The following SLC35A3 variants were observed in gnomAD, a reference collection of about 807,000 sequenced individuals.
SLC35A3 encodes UDP-N-acetylglucosamine transporter.
Under a neutral mutation model 39.0 loss-of-function variants are expected in SLC35A3, and 26 were observed. The ratio of observed to expected loss-of-function variants is 0.67; its 90% CI spans 0.49 to 0.92. The LOEUF is 0.92. Among genes scored for constraint, SLC35A3 ranks in the 40% least tolerant of loss-of-function variants. The probability of loss-of-function intolerance (pLI) is 0.00; values close to 1 mark genes in which losing one functional copy is unlikely to be tolerated. For synonymous variants in SLC35A3, 135 were observed against 133.1 expected (o/e 1.01, Z -0.10); for missense variants, 299 against 371.6 (o/e 0.80, Z 1.61).
chr1:100,035,403 G>C lies in SLC35A3; in HGVS notation c.*12927G>C, dbSNP rs756766296. The C allele has an allele frequency of 6.6e-6, 1 of 152,188 alleles. No individual in the cohort carries two copies. Among genetic ancestry groups the C allele is most frequent in the African/African-American group, 2.4e-5 (1 of 41,446 alleles). The allele number at this position is 152,188 out of a possible 1,614,324, so 9.4% of individuals were successfully genotyped here. ...ACAATAGGCCTATTAGAACAGGACT[G>C]TTCTCTCTTGTTTATCATTGCAGCC... On this transcript the variant is annotated 3_prime_UTR_variant, in exon 8 of 8. Coordinates refer to ENST00000533028, the MANE Select transcript of SLC35A3 (RefSeq NM_012243.3).
At chr1:100,011,651 T>G (rs1352090726) in intron 5 of SLC35A3, 118 bp downstream of exon 5, 1 of 319,684 alleles carries the variant, frequency 3.1e-6, no homozygotes, top group Non-Finnish European at 5.8e-6. Flanking sequence ...GATCCAAATA[T>G]CTGGCAATGC....
At position 100,030,273 on chromosome 1, in the gene SLC35A3, TTCC is replaced by T. The variant is rs1477119829; in HGVS notation, c.*7800_*7802del. On this transcript the variant is annotated 3_prime_UTR_variant, in exon 8 of 8. Transcript: ENST00000533028. ...ATACAGTTTATCTTAGATATACACT[TTCC>T]TCATTTTAAAGGTAGAACTCACTGC... is the stretch of plus-strand genomic sequence containing the variant. 2 of 152,226 alleles carry T rather than the reference TTCC, an allele frequency of 1.3e-5. No individual in the cohort carries two copies. The highest frequency in any genetic ancestry group is 2.9e-5 in the Non-Finnish European group (2 of 68,032). 9.4% of individuals were successfully genotyped at this position (152,226 alleles called of 1,614,324 possible). A position where few individuals can be genotyped will look rare whatever the true frequency, so the allele number is the denominator to read the frequency against.
At chr1:100,021,689 G>T (rs1570632069) in intron 7 of SLC35A3, among the ~76,000 whole-genome samples, 1 of 151,868 alleles carries the variant, frequency 6.6e-6, no homozygotes, top group South Asian at 2.1e-4. Flanking sequence ...AAAAAAAAAA[G>T]TTAATATTTG....
Position 100,035,221 on chromosome 1 carries a change from T to C in SLC35A3, c.*12745T>C, listed in dbSNP as rs1661435793. 1 of 152,222 alleles carries C rather than the reference T, an allele frequency of 6.6e-6. No individual in the cohort carries two copies. Among genetic ancestry groups the C allele is most frequent in the Non-Finnish European group, 1.5e-5 (1 of 68,036 alleles). 9.4% of individuals were successfully genotyped at this position (152,222 alleles called of 1,614,324 possible). A position where few individuals can be genotyped will look rare whatever the true frequency, so the allele number is the denominator to read the frequency against. On this transcript the variant is annotated 3_prime_UTR_variant, in exon 8 of 8. Transcript: ENST00000533028. The stretch of plus-strand genomic sequence containing the variant: ...AGATTATTTATAGTACTTAATACAA[T>C]GTAATGCTGTGTAGTCATACTGTAT...
chr1:99,999,520 T>A (rs1658624452), intron 3 of SLC35A3, 105 bp downstream of exon 3: 1 of 643,462 alleles, frequency 1.6e-6, no homozygotes, highest in South Asian at 2.2e-5. Context: ...ATGCATCCAA[T>A]GTGTAATGAT....
At chr1:99,999,452 T>C (rs754719541) in intron 3 of SLC35A3, 37 bp downstream of exon 3, 3 of 1,403,294 alleles carry the variant, frequency 2.1e-6, no homozygotes, top group Non-Finnish European at 2.9e-6. Context: ...TTAAAAAAAC[T>C]TTTTTCTTAT....
In SLC35A3 at chr1:100,011,143, A is replaced by C. The variant is rs572225837; in HGVS notation, c.466-222A>C. 1.2e-3 allele frequency among the ~76,000 whole-genome samples: 182 copies of C among 152,318 alleles called. 1 individual carries two copies. Among genetic ancestry groups the C allele is most frequent in the Non-Finnish European group, 1.8e-3 (121 of 68,024 alleles). ...GTAATAGATGAAATGTAAAATATTT[A>C]TTATTTCTAAGGTGCTTTTTGAAAT... On this transcript the variant is annotated intron_variant, in intron 4 of 7. Transcript: ENST00000533028.
chr1:99,993,657 C>T lies in SLC35A3; in HGVS notation c.103C>T (p.Pro35Ser), dbSNP rs1199734991. ...RYSRTLKEEG[P>S]RYLSSTAVVV... ...TTCCAGAACTTTAAAAGAAGAAGGACCTCGTTATCTATCTTCTACAGCAGT... is the reference window on the plus strand; with the variant it reads ...TTCCAGAACTTTAAAAGAAGAAGGATCTCGTTATCTATCTTCTACAGCAGT... Residue 35 changes from proline to serine, a missense_variant, in exon 2 of 8, where the codon CCT becomes TCT. Pro to Ser is a moderately conservative substitution (Grantham distance 74). Coordinates refer to ENST00000533028, the MANE Select transcript of SLC35A3 (RefSeq NM_012243.3). The T allele has an allele frequency of 6.2e-7, 1 of 1,613,908 alleles. No homozygotes were observed. The highest frequency in any genetic ancestry group is 8.5e-7 in the Non-Finnish European group (1 of 1,179,930).
rs1660992691 is a variant in SLC35A3 at position 100,027,607 on chromosome 1, G to A, written c.*5131G>A. On this transcript the variant is annotated 3_prime_UTR_variant, in exon 8 of 8. Coordinates refer to ENST00000533028, the MANE Select transcript of SLC35A3 (RefSeq NM_012243.3). ...AAGGTTAAGTAATTATAGAAGTTTG[G>A]TATGTATTTTCTTCATAATTTGAAT... 6.4e-6 allele frequency: 1 copy of A among 155,824 alleles called. No homozygotes were observed. The highest frequency in any genetic ancestry group is 2.4e-5 in the African/African-American group (1 of 41,636). The allele number at this position is 155,824 out of a possible 1,614,324, so 9.7% of individuals were successfully genotyped here. A position where few individuals can be genotyped will look rare whatever the true frequency, so the allele number is the denominator to read the frequency against.
chr1:99,978,453 G>A (rs1035243325), intron 1 of SLC35A3, among the ~76,000 whole-genome samples: 20 of 152,212 alleles, frequency 1.3e-4, no homozygotes, highest in Non-Finnish European at 2.8e-4. Flanking sequence ...CTTGAGCCCA[G>A]GAGGTAGAGG....
chr1:99,988,003 T>C (rs183121724), intron 1 of SLC35A3, among the ~76,000 whole-genome samples: 6 of 152,318 alleles, frequency 3.9e-5, no homozygotes, highest in African/African-American at 1.4e-4. Flanking sequence ...TATTGAGTTC[T>C]AATTTACATA....
chr1:99,994,006 T>C (rs1195405565), intron 2 of SLC35A3, among the ~76,000 whole-genome samples: 1 of 152,152 alleles, frequency 6.6e-6, no homozygotes, highest in Non-Finnish European at 1.5e-5. Context: ...GTAAATTTTA[T>C]AAATCTGTTA....
intron 1 of SLC35A3, chr1:99,992,964 G>A (rs1658174809): frequency 6.6e-6 from 1 of 152,402 alleles, no homozygotes; most frequent in African/African-American, 2.4e-5. Context: ...GGAGGGGGAA[G>A]GGCCACCACC....
chr1:99,970,624 G>T, intron 1 of SLC35A3: 5 of 1,536,182 alleles, frequency 3.3e-6, no homozygotes, highest in South Asian at 2.4e-5. Flanking sequence ...GGAACTTAAA[G>T]AAATGGAAAG....
At chr1:99,985,462 A>G (rs754928814) in intron 1 of SLC35A3, among the ~76,000 whole-genome samples, 70 of 152,144 alleles carry the variant, frequency 4.6e-4, no homozygotes, top group Non-Finnish European at 8.8e-4. Flanking sequence ...TGTTTTAGTG[A>G]CTATGGCCTT....
chr1:99,984,101 T>C (rs1657613581), intron 1 of SLC35A3, among the ~76,000 whole-genome samples: 1 of 152,060 alleles, frequency 6.6e-6, no homozygotes, highest in African/African-American at 2.4e-5. Context: ...CCAAAAGAAG[T>C]AGATCTGATA....
intron 1 of SLC35A3, chr1:99,974,992 G>A (rs971696626): frequency 1.5e-4 from 23 of 151,016 alleles, no homozygotes; most frequent in African/African-American, 5.6e-4. Flanking sequence ...CACCTTGGCT[G>A]GAGTACAGAG....
At chr1:100,015,252 C>T (rs569850566) in intron 5 of SLC35A3, 50 bp from the exon 6 acceptor site, 123 of 1,407,130 alleles carry the variant, frequency 8.7e-5, no homozygotes, top group Non-Finnish European at 1.1e-4. Flanking sequence ...AAAAATATAT[C>T]TCTTCAGACA....
chr1:99,999,178 G>C (rs1658600155), intron 2 of SLC35A3, 83 bp from the exon 3 acceptor site: 1 of 830,032 alleles, frequency 1.2e-6, no homozygotes, highest in Non-Finnish European at 1.7e-6. Context: ...TTTTCTATAG[G>C]TTAGAAAATT....
Sources: allele counts gnomAD v4.1 joint callset (sites outside exome capture counted in the v4.1 genomes callset), GRCh38; gene constraint gnomAD v4.1.1; transcripts MANE v1.5; gene names NCBI Gene and HGNC (gene_info 2026-07-23, HGNC 2026-07-21).